ARHGAP19: variants seen among roughly 807,000 people sequenced by gnomAD.
ARHGAP19 encodes Rho GTPase activating protein 19.
Under a neutral mutation model 60.9 loss-of-function variants are expected in ARHGAP19, and 48 were observed. That is an observed-to-expected ratio of 0.79 (90% CI 0.62 to 1.00). The LOEUF (loss-of-function observed/expected upper bound fraction) is 1.00. ARHGAP19 is among the 50% of genes least tolerant of loss of function. ARHGAP19 has a pLI of 0.00. For missense variants in ARHGAP19, 562 were observed against 597.2 expected (o/e 0.94, Z 0.61); for synonymous variants, 209 against 215.5 (o/e 0.97, Z 0.27).
chr10:97,236,278 C>T (rs1373643937), intron 8 of ARHGAP19, among the ~76,000 whole-genome samples: 1 of 152,098 alleles, frequency 6.6e-6, no homozygotes, highest in South Asian at 2.1e-4. Flanking sequence ...CACCCAGCCT[C>T]TTCTGCCTTT....
chr10:97,227,100 A>G (rs961898701), intron 11 of ARHGAP19, among the ~76,000 whole-genome samples: 2 of 152,250 alleles, frequency 1.3e-5, no homozygotes, highest in African/African-American at 4.8e-5. Context: ...ATCTGAACCA[A>G]CATGTCAGTA....
chr10:97,265,160 A>G (rs998851508), intron 2 of ARHGAP19, among the ~76,000 whole-genome samples: 6 of 152,154 alleles, frequency 3.9e-5, no homozygotes, highest in South Asian at 2.1e-4. Flanking sequence ...TAAGAAGCAT[A>G]TATCTAGTAA....
At chr10:97,244,492 C>T (rs1165359843) in intron 7 of ARHGAP19, among the ~76,000 whole-genome samples, 1 of 152,070 alleles carries the variant, frequency 6.6e-6, no homozygotes, top group African/African-American at 2.4e-5. Context: ...TGGAAAGTAT[C>T]ATGATTCCCA....
Position 97,263,542 on chromosome 10 carries a change from A to G in ARHGAP19, c.491T>C (p.Ile164Thr). ...GTGAAATTCCCCTGATTCCAAGTCA[A>G]TGTCAGTTCCATTATTGAGAGCATC... ...LRDALNNGTD[I>T]DLESGEFHSN... The change falls in exon 4 of 12, where the codon ATT (isoleucine) becomes ACT (threonine). Residue 164 changes from isoleucine (I) to threonine (T), a missense_variant. Ile to Thr is a moderately conservative substitution (Grantham distance 89). Coordinates refer to ENST00000358531, the MANE Select transcript of ARHGAP19 (RefSeq NM_032900.6). The G allele has an allele frequency of 6.2e-7, 1 of 1,614,174 alleles. No individual in the cohort carries two copies. Among genetic ancestry groups the G allele is most frequent in the Non-Finnish European group, 8.5e-7 (1 of 1,180,032 alleles).
At chr10:97,288,527 G>A (rs1589384387) in intron 1 of ARHGAP19, among the ~76,000 whole-genome samples, 1 of 150,482 alleles carries the variant, frequency 6.6e-6, no homozygotes, top group South Asian at 2.1e-4. Context: ...GTTGCAGTGA[G>A]CTGAGATCGT....
chr10:97,251,176 GGA>G (rs1842642387), intron 6 of ARHGAP19, among the ~76,000 whole-genome samples: 2 of 99,616 alleles, frequency 2.0e-5, no homozygotes, highest in African/African-American at 4.0e-5. Context: ...GAAGGGGAAG[GGA>G]AAGGGAAAGG....
intron 1 of ARHGAP19, among the ~76,000 whole-genome samples, chr10:97,283,205 T>A (rs186299796): frequency 6.6e-6 from 1 of 152,068 alleles, no homozygotes; most frequent in African/African-American, 2.4e-5. Context: ...TAGCAAAACA[T>A]CAGCACAAAA....
intron 9 of ARHGAP19, among the ~76,000 whole-genome samples, chr10:97,232,470 A>G (rs945298137): frequency 6.6e-6 from 1 of 151,422 alleles, no homozygotes; most frequent in Non-Finnish European, 1.5e-5. Flanking sequence ...GCCTCTGCCC[A>G]CTCTTTAATG....
At chr10:97,262,836 T>G (rs1053305029) in intron 4 of ARHGAP19, among the ~76,000 whole-genome samples, 2 of 151,000 alleles carry the variant, frequency 1.3e-5, no homozygotes, top group Admixed American at 6.6e-5. Flanking sequence ...CTAAAACACG[T>G]TGGGCACAGT....
intron 2 of ARHGAP19, 118 bp downstream of exon 2, chr10:97,265,742 A>G: frequency 7.2e-7 from 1 of 1,380,844 alleles, no homozygotes; most frequent in Non-Finnish European, 9.8e-7. Flanking sequence ...TAAAAACTGA[A>G]AAAATGGCCA....
At chr10:97,286,492 T>C (rs1357817767) in intron 1 of ARHGAP19, among the ~76,000 whole-genome samples, 1 of 152,186 alleles carries the variant, frequency 6.6e-6, no homozygotes, top group African/African-American at 2.4e-5. Context: ...CTGAGGAGGC[T>C]AAGGCAGGAG....
At chr10:97,239,553 TGTGTGTGTGTGTG>T (rs1842441744) in intron 8 of ARHGAP19, among the ~76,000 whole-genome samples, 3 of 10,276 alleles carry the variant, frequency 2.9e-4, no homozygotes, top group African/African-American at 4.0e-4. Flanking sequence ...AGAGAGAGGG[TGTGTGTGTGTGTG>T]TGTGTGTGTG....
intron 4 of ARHGAP19, 60 bp from the exon 5 acceptor site, chr10:97,259,688 C>T: frequency 8.0e-7 from 1 of 1,252,484 alleles, no homozygotes; most frequent in Non-Finnish European, 1.2e-6. Flanking sequence ...AAAATCAGTG[C>T]TATCACCATT....
In ARHGAP19 at chr10:97,223,279, C is replaced by T. The variant is rs763053668; in HGVS notation, c.*2843G>A. ...ATTACCTGCTCCTTTTTTTACGGTT[C>T]GTTACCTGCTCCTGTTTTGGCCCTC... is the stretch of plus-strand genomic sequence containing the variant. On this transcript the variant is annotated 3_prime_UTR_variant, in exon 12 of 12. Transcript: ENST00000358531. 7.2e-5 allele frequency: 11 copies of T among 152,076 alleles called. No individual in the cohort carries two copies. The highest frequency in any genetic ancestry group is 1.6e-4 in the Non-Finnish European group (11 of 68,016). 9.4% of individuals were successfully genotyped at this position (152,076 alleles called of 1,614,324 possible).
At chr10:97,264,942 A>C in intron 2 of ARHGAP19, 36 bp from the exon 3 acceptor site, 6 of 1,479,682 alleles carry the variant, frequency 4.1e-6, no homozygotes, top group Non-Finnish European at 5.7e-6. Flanking sequence ...GCTATATTTC[A>C]CACAAATAGT....
intron 5 of ARHGAP19, among the ~76,000 whole-genome samples, chr10:97,258,148 C>T (rs1842780845): frequency 6.6e-6 from 1 of 152,080 alleles, no homozygotes; most frequent in South Asian, 2.1e-4. Flanking sequence ...GTATTATGCC[C>T]AGTTTACAGA....
chr10:97,287,647 G>A (rs1390304845), intron 1 of ARHGAP19, among the ~76,000 whole-genome samples: 1 of 152,164 alleles, frequency 6.6e-6, no homozygotes, highest in Non-Finnish European at 1.5e-5. Context: ...AGAGGCTAAG[G>A]TGGAAGGATT....
chr10:97,242,022 A>AAAT (rs985123664), intron 8 of ARHGAP19, among the ~76,000 whole-genome samples: 144 of 140,450 alleles, frequency 1.0e-3, no homozygotes, highest in South Asian at 2.7e-3. Context: ...AAAAAAAAAA[A>AAAT]AATAATAATA....
At chr10:97,239,551 G>GGTGTGTGT (rs201308961) in intron 8 of ARHGAP19, among the ~76,000 whole-genome samples, 43 of 20,284 alleles carry the variant, frequency 2.1e-3, no homozygotes, top group African/African-American at 2.9e-3. Flanking sequence ...AGAGAGAGAG[G>GGTGTGTGT]GTGTGTGTGT....
Sources: gnomAD v4.1 joint callset for allele counts (sites outside exome capture counted in the v4.1 genomes callset) on GRCh38, gnomAD v4.1.1 for gene constraint, MANE v1.5 for transcripts, NCBI Gene and HGNC (gene_info 2026-07-23, HGNC 2026-07-21) for gene names.